Variants in IPO11 observed in about 807,000 individuals in gnomAD.
IPO11 encodes the protein importin-11.
Under a neutral mutation model 143.2 loss-of-function variants are expected in IPO11, and 66 were observed. That is an observed-to-expected ratio of 0.46 (90% CI 0.38 to 0.57). The LOEUF is 0.57. Ranked by LOEUF, IPO11 falls within the 20% of genes least tolerant of loss-of-function variation. IPO11 has a pLI of 0.00. For missense variants in IPO11, 1,026 were observed against 1,141.0 expected (o/e 0.90, Z 1.45); for synonymous variants, 385 against 377.8 (o/e 1.02, Z -0.22).
rs1273896271 is a variant in IPO11, at chr5:62,586,762, A to AT, written c.2583-4815_2583-4814insT. ...GCAAAACTCAGTCTCCAAAAAAAAA[A>AT]AAAAAAATATATATATATATATATA... On this transcript the variant is annotated intron_variant, in intron 27 of 29. Transcript: ENST00000325324. Among the ~76,000 whole-genome samples, 445 of 86,060 alleles carry AT rather than the reference A, an allele frequency of 5.2e-3. 1 individual carries two copies. Among genetic ancestry groups the AT allele is most frequent in the Non-Finnish European group, 6.2e-3 (270 of 43,310 alleles). The allele number at this position is 86,060 out of a possible 152,430, so 56.5% of individuals were successfully genotyped here.
chr5:62,571,804 G>A (rs892914737), intron 27 of IPO11, among the ~76,000 whole-genome samples: 5 of 151,542 alleles, frequency 3.3e-5, no homozygotes, highest in Non-Finnish European at 7.4e-5. Flanking sequence ...TCCTGCCCCA[G>A]CCTCCCCATT....
chr5:62,444,424 T>C (rs545021989), intron 3 of IPO11, among the ~76,000 whole-genome samples: 1 of 152,170 alleles, frequency 6.6e-6, no homozygotes, highest in Non-Finnish European at 1.5e-5. Context: ...TAATTCATAA[T>C]TTTGGAGAGA....
chr5:62,573,940 C>G (rs1744229084), intron 27 of IPO11, among the ~76,000 whole-genome samples: 1 of 152,148 alleles, frequency 6.6e-6, no homozygotes, highest in South Asian at 2.1e-4. Context: ...AATAAACTTT[C>G]CTTCTGTAAC....
chr5:62,464,093 G>C (rs553727296), intron 5 of IPO11, among the ~76,000 whole-genome samples: 273 of 151,460 alleles, frequency 1.8e-3, no homozygotes, highest in African/African-American at 6.3e-3. Context: ...CAGAGTGCTG[G>C]GATTACAGGC....
intron 24 of IPO11, among the ~76,000 whole-genome samples, chr5:62,542,251 T>C (rs2112332917): frequency 6.6e-6 from 1 of 152,210 alleles, no homozygotes; most frequent in South Asian, 2.1e-4. Flanking sequence ...TAAATCTGTA[T>C]GTTTGGTTTA....
intron 24 of IPO11, among the ~76,000 whole-genome samples, chr5:62,544,614 G>C (rs532771575): frequency 1.0e-3 from 157 of 152,264 alleles, no homozygotes; most frequent in African/African-American, 3.6e-3. Flanking sequence ...AATCAGGTAG[G>C]AGAAAGAAAT....
intron 5 of IPO11, among the ~76,000 whole-genome samples, chr5:62,462,521 C>T (rs529391024): frequency 6.6e-6 from 1 of 151,476 alleles, no homozygotes; most frequent in East Asian, 1.9e-4. Flanking sequence ...CCTTTGCTAC[C>T]ATTATTAAAA....
At chr5:62,481,759 T>C (rs1746221595) in intron 9 of IPO11, among the ~76,000 whole-genome samples, 1 of 152,194 alleles carries the variant, frequency 6.6e-6, no homozygotes, top group African/African-American at 2.4e-5. Context: ...TCTTTTTTTG[T>C]TGTATCTCTG....
At chr5:62,549,401 G>C (rs558094079) in intron 24 of IPO11, among the ~76,000 whole-genome samples, 3 of 152,242 alleles carry the variant, frequency 2.0e-5, no homozygotes, top group African/African-American at 4.8e-5. Flanking sequence ...AATTTTTGGA[G>C]TACACTATTG....
chr5:62,439,594 T>TC lies in IPO11; in HGVS notation c.138+2177_138+2178insC, dbSNP rs202237182. Among the ~76,000 whole-genome samples, 688 of 151,134 alleles carry TC rather than the reference T, an allele frequency of 4.6e-3. 5 individuals are homozygous for TC. Among genetic ancestry groups the TC allele is most frequent in the African/African-American group, 0.016 (645 of 41,288 alleles). On this transcript the variant is annotated intron_variant, in intron 2 of 29. Transcript: ENST00000325324. Reference sequence around the variant, plus strand: ...GAGCGACTGCGCCTGGCCCAGTCTTTTTTTTTTTTTTAAGTAGAGACAGGG... The same window carrying TC: ...GAGCGACTGCGCCTGGCCCAGTCTTTCTTTTTTTTTTTAAGTAGAGACAGGG...
At chr5:62,489,169 C>T in intron 13 of IPO11, 133 bp from the exon 14 acceptor site, 1 of 470,530 alleles carries the variant, frequency 2.1e-6, no homozygotes, top group Non-Finnish European at 3.6e-6. Flanking sequence ...GTACTTGTGT[C>T]CATTTTTGAC....
intron 19 of IPO11, among the ~76,000 whole-genome samples, chr5:62,514,185 G>A (rs1396392047): frequency 6.6e-6 from 1 of 152,028 alleles, no homozygotes; most frequent in African/African-American, 2.4e-5. Context: ...CTTCCCAGAC[G>A]GGGTGGCGGC....
In IPO11 at chr5:62,483,201, G is replaced by C. The variant is rs1014899560; in HGVS notation, c.929G>C (p.Gly310Ala). ...TATGTTTTTACAGAAGTTGGTGAAG[G>C]CGTTACATTTGAACGATTCATTGTC... ...VSYVFTEVGEGVTFERFIVQC... is the reference protein window; with the variant it reads ...VSYVFTEVGEAVTFERFIVQC... Residue 310 changes from glycine to alanine, a missense_variant, in exon 10 of 30, where the codon GGC becomes GCC. Gly to Ala is a moderately conservative substitution (Grantham distance 60). Around this residue, in one of 5 missense-constraint regions of IPO11, gnomAD observed 429 missense variants for 456.3 expected, o/e 0.94. Coordinates refer to ENST00000325324, the MANE Select transcript of IPO11 (RefSeq NM_016338.5). 1 of 1,610,428 alleles carries C rather than the reference G, an allele frequency of 6.2e-7. No individual in the cohort carries two copies. Among genetic ancestry groups the C allele is most frequent in the African/African-American group, 1.3e-5 (1 of 74,942 alleles).
intron 1 of IPO11, among the ~76,000 whole-genome samples, chr5:62,426,834 C>G (rs965260533): frequency 2.1e-5 from 3 of 145,906 alleles, no homozygotes; most frequent in African/African-American, 7.5e-5. Flanking sequence ...ATATATTTCT[C>G]TAGTTACAAA....
chr5:62,626,639 T>A (rs1580406665), intron 29 of IPO11, among the ~76,000 whole-genome samples: 1 of 151,898 alleles, frequency 6.6e-6, no homozygotes, highest in Non-Finnish European at 1.5e-5. Context: ...GTTTTCCAAA[T>A]ATCCCAGTGG....
rs763159392 is a variant in IPO11, at chr5:62,437,316, G to A, written c.37G>A (p.Val13Met). Residue 13 changes from valine to methionine, a missense_variant, in exon 2 of 30, where the codon GTG becomes ATG. Val to Met is a conservative substitution (Grantham distance 21). Coordinates refer to ENST00000325324, the MANE Select transcript of IPO11 (RefSeq NM_016338.5). Reference protein sequence around the residue: ...LNSASTVVLQVLTQATSQDTA... With the variant: ...LNSASTVVLQMLTQATSQDTA... ...TAGTGCCAGCACTGTTGTTCTTCAG[G>A]TGTTAACACAGGCCACCAGTCAGGA... The A allele has an allele frequency of 8.1e-6, 13 of 1,611,712 alleles. No individual in the cohort carries two copies. Among genetic ancestry groups the A allele is most frequent in the Non-Finnish European group, 1.1e-5 (13 of 1,178,748 alleles).
chr5:62,561,149 T>G lies in IPO11; in HGVS notation c.2474T>G (p.Leu825Trp). 8.1e-6 allele frequency: 13 copies of G among 1,605,316 alleles called. No individual in the cohort carries two copies. Among genetic ancestry groups the G allele is most frequent in the South Asian group, 2.2e-5 (2 of 89,312 alleles). The change falls in exon 27 of 30, where the codon TTG becomes TGG. Residue 825 changes from leucine to tryptophan, a missense_variant. By Grantham distance (61) the Leu-to-Trp change is moderately conservative. Transcript: ENST00000325324. Reference protein sequence around the residue: ...HKFNQEMDQLLGNMIEMWVDR... With the variant: ...HKFNQEMDQLWGNMIEMWVDR... Reference sequence around the variant, plus strand: ...CTCTTGTTTCAGATGGACCAGCTTTTGGGAAATATGATTGAAATGTGGGTT... The same window carrying G: ...CTCTTGTTTCAGATGGACCAGCTTTGGGGAAATATGATTGAAATGTGGGTT...
At chr5:62,529,892 T>C (rs1742487471) in intron 21 of IPO11, among the ~76,000 whole-genome samples, 1 of 152,190 alleles carries the variant, frequency 6.6e-6, no homozygotes, top group African/African-American at 2.4e-5. Context: ...TATTATGTCA[T>C]GGATTGTGGT....
intron 27 of IPO11, among the ~76,000 whole-genome samples, chr5:62,572,922 T>C (rs371217623): frequency 3.9e-5 from 6 of 152,216 alleles, no homozygotes; most frequent in African/African-American, 1.4e-4. Flanking sequence ...GTTTGGTCAC[T>C]GCACATTGTT....
Sources: gnomAD v4.1 joint callset for allele counts (sites outside exome capture counted in the v4.1 genomes callset) on GRCh38, gnomAD v4.1.1 for gene constraint, gnomAD v4.1.1 regional missense constraint, MANE v1.5 for transcripts, NCBI Gene and HGNC (gene_info 2026-07-23, HGNC 2026-07-21) for gene names.